ATP8B3: variants seen among roughly 807,000 people sequenced by gnomAD.
ATP8B3 encodes the protein phospholipid-transporting ATPase IK.
In ATP8B3, 141 loss-of-function variants were observed where a neutral mutation model predicts 140.9. The ratio of observed to expected loss-of-function variants is 1.00; its 90% CI spans 0.87 to 1.15. ATP8B3 has a LOEUF of 1.15. ATP8B3 is among the 50% of genes most tolerant of loss of function. The pLI is 0.00. For synonymous variants in ATP8B3, 765 were observed against 714.6 expected (o/e 1.07, Z -1.13); for missense variants, 1,874 against 1,740.6 (o/e 1.08, Z -1.36).
intron 28 of ATP8B3, 142 bp downstream of exon 28, chr19:1,784,677 C>T (rs1052580254): frequency 4.9e-6 from 6 of 1,212,520 alleles, no homozygotes; most frequent in Non-Finnish European, 6.7e-6. Flanking sequence ...TCCGGGGCTC[C>T]GCACCCACCC....
chr19:1,800,068 G>C lies in ATP8B3; in HGVS notation c.1431C>G (p.Ala477=), dbSNP rs534721454. 2.2e-4 allele frequency: 342 copies of C among 1,587,188 alleles called. 3 individuals are homozygous for C. In the South Asian group the frequency reaches 3.2e-3, roughly 15 times the overall value. The change falls in exon 14 of 29, where the codon GCC becomes GCG. Residue 477 remains alanine (A), a synonymous_variant. Transcript: ENST00000310127. This position sits in a 1 kb window ranked among gnomAD's most constrained non-coding sequence, Gnocchi z 4.4. The part of the protein sequence containing the change: ...YYKPQDVPAK[A]RSTSLNDHLG... ...GGTGGTCGTTGAGGCTGGTGCTGCG[G>C]GCCTTGGCAGGCACGTCCTGCGGCT... is the stretch of plus-strand genomic sequence containing the variant.
chr19:1,787,238 G>A (rs1423344062), intron 24 of ATP8B3, 52 bp from the exon 25 acceptor site: 3 of 1,497,298 alleles, frequency 2.0e-6, no homozygotes, highest in Non-Finnish European at 2.7e-6. Flanking sequence ...AGGCACCCAA[G>A]GAGCCTGCCA....
At chr19:1,791,282 C>T (rs1415986032) in intron 20 of ATP8B3, among the ~76,000 whole-genome samples, 1 of 151,986 alleles carries the variant, frequency 6.6e-6, no homozygotes, top group African/African-American at 2.4e-5. Context: ...GCAATCACGG[C>T]TCACTGCAGC....
At chr19:1,789,206 T>G in intron 23 of ATP8B3, 86 bp from the exon 24 acceptor site, 4 of 612,860 alleles carry the variant, frequency 6.5e-6, no homozygotes, top group Non-Finnish European at 1.0e-5. Flanking sequence ...CTGCCCCCTA[T>G]CAGCCCCCCC....
chr19:1,795,784 TACACACACACACACACACACACACAC>T (rs10526864), intron 18 of ATP8B3, 65 bp downstream of exon 18: 407 of 894,652 alleles, frequency 4.5e-4, no homozygotes, highest in South Asian at 1.6e-3. Context: ...CTCCTGTCCC[TACACACACACACACACACACACACAC>T]ACACACACAC....
chr19:1,783,831 T>G (rs1600380847), intron 28 of ATP8B3, among the ~76,000 whole-genome samples: 2 of 150,668 alleles, frequency 1.3e-5, no homozygotes, highest in Admixed American at 6.6e-5. Flanking sequence ...CGTGGGCTAG[T>G]AAGTCCCCTC....
chr19:1,795,784 TACACAC>T (rs10526864), intron 18 of ATP8B3, 85 bp downstream of exon 18: 54,734 of 883,570 alleles, frequency 0.062, 778 homozygotes, highest in South Asian at 0.078. Flanking sequence ...CTCCTGTCCC[TACACAC>T]ACACACACAC....
chr19:1,799,706 G>A (rs975532097), intron 14 of ATP8B3: 4 of 585,386 alleles, frequency 6.8e-6, no homozygotes, highest in Non-Finnish European at 9.1e-6. Flanking sequence ...GGAGATTGCA[G>A]TGAGCCAAGA....
Position 1,789,689 on chromosome 19 carries a change from G to GGC in ATP8B3, c.2515_2516dup (p.Leu840ProfsTer6), listed in dbSNP as rs765178440. ...CGTCCATGTTCACGTTCTGCGCCAG[G>GGC]GCGCGCGGCTCCTTCCGCAGGGACA... is the stretch of plus-strand genomic sequence containing the variant. On this transcript the variant is annotated frameshift_variant, in exon 23 of 29. Coordinates refer to ENST00000310127, the MANE Select transcript of ATP8B3 (RefSeq NM_138813.4). LOFTEE classifies it high-confidence loss of function. The GGC allele has an allele frequency of 1.8e-4, 292 of 1,592,508 alleles. No individual in the cohort carries two copies. Among genetic ancestry groups the GGC allele is most frequent in the Non-Finnish European group, 2.3e-4 (267 of 1,172,430 alleles).
intron 10 of ATP8B3, among the ~76,000 whole-genome samples, chr19:1,803,415 G>A (rs552997980): frequency 6.6e-6 from 1 of 152,182 alleles, no homozygotes; most frequent in Non-Finnish European, 1.5e-5. Context: ...GAACCACAGG[G>A]CAAGCCCACA....
chr19:1,798,724 CG>C (rs989088430), intron 14 of ATP8B3: 1 of 150,542 alleles, frequency 6.6e-6, no homozygotes, highest in African/African-American at 2.5e-5. Flanking sequence ...GGCGACAGAG[CG>C]AGACTCTGTC....
chr19:1,796,697 G>A lies in ATP8B3; in HGVS notation c.1753+14C>T. ...GCTGAGCGGCCTCAGAGATGGGGAG[G>A]TGGGTGGGCGCACCTGGGCGCTCAC... On this transcript the variant is annotated intron_variant, in intron 16 of 28. Transcript: ENST00000310127. 1.9e-6 allele frequency: 3 copies of A among 1,606,112 alleles called. No individual in the cohort carries two copies. The highest frequency in any genetic ancestry group is 2.5e-6 in the Non-Finnish European group (3 of 1,177,768).
At position 1,782,965 on chromosome 19, in the gene ATP8B3, G is replaced by A; in HGVS notation, c.*63C>T. On this transcript the variant is annotated 3_prime_UTR_variant, in exon 29 of 29. Transcript: ENST00000310127. ...GTGTAGGGGGGAGCTGTACTTCCTG[G>A]GAGGACACCTGCCCCTGTGGCTGGT... 3 of 1,544,510 alleles carry A rather than the reference G, an allele frequency of 1.9e-6. No homozygotes were observed. Among genetic ancestry groups the A allele is most frequent in the South Asian group, 1.2e-5 (1 of 83,574 alleles).
rs1300139828 is a variant in ATP8B3 at position 1,806,818 on chromosome 19, G to A, written c.616-129C>T. The A allele has an allele frequency of 1.6e-5, 17 of 1,053,530 alleles. No individual in the cohort carries two copies. The highest frequency in any genetic ancestry group is 4.3e-5 in the South Asian group (3 of 69,488). The allele number at this position is 1,053,530 out of a possible 1,614,324, so 65.3% of individuals were successfully genotyped here. ...TCCCTGTCCGCTGGCCCCACGCCAC[G>A]TTGCGTCTGCTCAGGGATCCCGGAC... On this transcript the variant is annotated intron_variant, in intron 6 of 28. Coordinates refer to ENST00000310127, the MANE Select transcript of ATP8B3 (RefSeq NM_138813.4). This position sits in a 1 kb window ranked among gnomAD's most constrained non-coding sequence, Gnocchi z 5.6.
rs754242358 is a variant in ATP8B3 at position 1,796,140 on chromosome 19, G to C, written c.1879C>G (p.Arg627Gly). The C allele has an allele frequency of 1.2e-6, 2 of 1,613,004 alleles. No individual in the cohort carries two copies. Among genetic ancestry groups the C allele is most frequent in the Non-Finnish European group, 1.7e-6 (2 of 1,179,858 alleles). The change falls in exon 17 of 29, where the codon CGG becomes GGG. Residue 627 changes from arginine (R) to glycine (G), a missense_variant. Arg to Gly is a moderately radical substitution (Grantham distance 125). Coordinates refer to ENST00000310127, the MANE Select transcript of ATP8B3 (RefSeq NM_138813.4). ...TVTIMELGEE[R>G]VYQVLAIMDF... Reference sequence around the variant, plus strand: ...ATTATGGCCAGGACCTGGTAGACCCGTTCCTCCCCCAGCTCCATGATCGTG... The same window carrying C: ...ATTATGGCCAGGACCTGGTAGACCCCTTCCTCCCCCAGCTCCATGATCGTG...
chr19:1,785,716 C>T lies in ATP8B3; in HGVS notation c.3154-8G>A, dbSNP rs1173169789. On this transcript the variant is annotated splice_polypyrimidine_tract_variant and splice_region_variant and intron_variant, in intron 25 of 28. Transcript: ENST00000310127. Reference sequence around the variant, plus strand: ...CTGCTCTGCGCTCACGTCCTTGGGGCAAGCAGAAGCTCTTGGGATTGGGTG... The same window carrying T: ...CTGCTCTGCGCTCACGTCCTTGGGGTAAGCAGAAGCTCTTGGGATTGGGTG... The T allele has an allele frequency of 6.4e-7, 1 of 1,561,294 alleles. No homozygotes were observed. Among genetic ancestry groups the T allele is most frequent in the African/African-American group, 1.4e-5 (1 of 73,366 alleles).
chr19:1,810,417 C>T (rs2069153824), intron 3 of ATP8B3, among the ~76,000 whole-genome samples: 1 of 152,204 alleles, frequency 6.6e-6, no homozygotes, highest in South Asian at 2.1e-4. Context: ...CAGGCATACG[C>T]CACCACGCCC....
Position 1,789,692 on chromosome 19 carries a change from G to C in ATP8B3, c.2514C>G (p.Arg838=), listed in dbSNP as rs2068429257. ...KLLVSLRKEP[R]ALAQNVNMDE... The stretch of plus-strand genomic sequence containing the variant: ...CCATGTTCACGTTCTGCGCCAGGGC[G>C]CGCGGCTCCTTCCGCAGGGACACCA... The change falls in exon 23 of 29, where the codon CGC becomes CGG. Residue 838 remains arginine (R), a synonymous_variant. Coordinates refer to ENST00000310127, the MANE Select transcript of ATP8B3 (RefSeq NM_138813.4). The C allele has an allele frequency of 6.3e-7, 1 of 1,589,390 alleles. No homozygotes were observed. The highest frequency in any genetic ancestry group is 8.5e-7 in the Non-Finnish European group (1 of 1,170,786).
In ATP8B3 at chr19:1,806,807, C is replaced by G; in HGVS notation, c.616-118G>C. The G allele has an allele frequency of 8.8e-7, 1 of 1,140,564 alleles. No homozygotes were observed. The highest frequency in any genetic ancestry group is 2.6e-5 in the East Asian group (1 of 38,722). 70.7% of individuals were successfully genotyped at this position (1,140,564 alleles called of 1,614,324 possible). ...GCAACACGGGGTCCCTGTCCGCTGG[C>G]CCCACGCCACGTTGCGTCTGCTCAG... On this transcript the variant is annotated intron_variant, in intron 6 of 28. Transcript: ENST00000310127. The surrounding 1 kb of genome is among the most constrained non-coding windows in gnomAD (Gnocchi z 5.6).
Sources: gnomAD v4.1 joint callset for allele counts (sites outside exome capture counted in the v4.1 genomes callset) on GRCh38, gnomAD v4.1.1 for gene constraint, Gnocchi (gnomAD v3.1) non-coding constraint, MANE v1.5 for transcripts, NCBI Gene and HGNC (gene_info 2026-07-23, HGNC 2026-07-21) for gene names.